The following SLC22A4 variants were observed in gnomAD, a reference collection of about 807,000 sequenced individuals.
The protein encoded by SLC22A4 is solute carrier family 22 member 4.
Under a neutral mutation model 56.6 loss-of-function variants are expected in SLC22A4, and 39 were observed. The ratio of observed to expected loss-of-function variants is 0.69; its 90% CI spans 0.53 to 0.90. The LOEUF (loss-of-function observed/expected upper bound fraction) is 0.90. Ranked by LOEUF, SLC22A4 falls within the 40% of genes least tolerant of loss-of-function variation. The pLI is 0.00. For synonymous variants in SLC22A4, 241 were observed against 281.4 expected, an observed-to-expected ratio of 0.86 and a Z score of 1.44; for missense variants, 594 against 696.5, an observed-to-expected ratio of 0.85 and a Z score of 1.66.
intron 1 of SLC22A4, among the ~76,000 whole-genome samples, chr5:132,302,337 C>G (rs1392565484): frequency 6.6e-6 from 1 of 152,130 alleles, no homozygotes; most frequent in South Asian, 2.1e-4. Flanking sequence ...TCAGGGGGAG[C>G]TGCAGGTACC....
intron 8 of SLC22A4, among the ~76,000 whole-genome samples, chr5:132,339,073 T>C (rs1370243653): frequency 6.6e-6 from 1 of 152,208 alleles, no homozygotes; most frequent in Non-Finnish European, 1.5e-5. Flanking sequence ...CTAATAAATG[T>C]CCATGAAATC....
intron 1 of SLC22A4, among the ~76,000 whole-genome samples, chr5:132,306,431 ATATATATATATAGTTGTT>A (rs1750039915): frequency 1.4e-5 from 1 of 72,030 alleles, no homozygotes; most frequent in African/African-American, 7.3e-5. Flanking sequence ...ATATATATAT[ATATATATATATAGTTGTT>A]GTTGTTGTTG....
At chr5:132,339,569 T>A (rs529428634) in intron 8 of SLC22A4, among the ~76,000 whole-genome samples, 2 of 152,172 alleles carry the variant, frequency 1.3e-5, no homozygotes, top group East Asian at 3.9e-4. Context: ...GAGAAACATT[T>A]TCCTAACAAA....
At chr5:132,315,850 G>T (rs994325578) in intron 3 of SLC22A4, among the ~76,000 whole-genome samples, 3 of 152,130 alleles carry the variant, frequency 2.0e-5, no homozygotes, top group Admixed American at 2.0e-4. Context: ...TTTGTATCCT[G>T]GTATGAGACT....
At chr5:132,339,508 A>T (rs543460046) in intron 8 of SLC22A4, among the ~76,000 whole-genome samples, 15 of 151,930 alleles carry the variant, frequency 9.9e-5, no homozygotes, top group African/African-American at 3.1e-4. Flanking sequence ...ACACACCTGA[A>T]AACATGTATG....
chr5:132,294,401 C>G lies in SLC22A4; in HGVS notation c.-216C>G. 1.6e-6 allele frequency: 1 copy of G among 639,076 alleles called. No homozygotes were observed. The highest frequency in any genetic ancestry group is 2.7e-6 in the Non-Finnish European group (1 of 364,772). The allele number at this position is 639,076 out of a possible 1,614,324, so 39.6% of individuals were successfully genotyped here. On this transcript the variant is annotated 5_prime_UTR_variant, in exon 1 of 10. Transcript: ENST00000200652. The surrounding 1 kb of genome is among the most constrained non-coding windows in gnomAD (Gnocchi z 5.6). Reference sequence around the variant, plus strand: ...GGATGGGGGTGTGGTCCCAAGTGTACAGTGGCATCAAGCTCAGCGCGAGCT... The same window carrying G: ...GGATGGGGGTGTGGTCCCAAGTGTAGAGTGGCATCAAGCTCAGCGCGAGCT...
intron 3 of SLC22A4, among the ~76,000 whole-genome samples, chr5:132,321,673 C>T (rs953420720): frequency 6.6e-6 from 1 of 152,052 alleles, no homozygotes; most frequent in African/African-American, 2.4e-5. Context: ...TTTGGGAGGC[C>T]AAGGCAGGTA....
At chr5:132,327,002 C>T (rs932067913) in intron 4 of SLC22A4, among the ~76,000 whole-genome samples, 7 of 152,336 alleles carry the variant, frequency 4.6e-5, no homozygotes, top group African/African-American at 1.7e-4. Context: ...TTCTCCAGAG[C>T]CCTGGCTCAA....
intron 6 of SLC22A4, among the ~76,000 whole-genome samples, chr5:132,333,826 G>A (rs186113257): frequency 6.8e-4 from 103 of 151,634 alleles, no homozygotes; most frequent in Middle Eastern, 3.4e-3. Flanking sequence ...ATTTTTTTGA[G>A]ATAGAGTTTC....
Position 132,294,987 on chromosome 5 carries a change from A to G in SLC22A4, c.371A>G (p.Tyr124Cys), listed in dbSNP as rs1749744988. Residue 124 changes from tyrosine to cysteine, a missense_variant, in exon 1 of 10, where the codon TAC becomes TGC. By Grantham distance (194) the Tyr-to-Cys change is radical (BLOSUM62 -2). Coordinates refer to ENST00000200652, the MANE Select transcript of SLC22A4 (RefSeq NM_003059.3). This position sits in a 1 kb window ranked among gnomAD's most constrained non-coding sequence, Gnocchi z 5.6. ...GGCTGGGAGTTCAGCCAGGACGTCT[A>G]CCTGTCCACCGTCGTGACCGAGGTG... Reference protein sequence around the residue: ...LDGWEFSQDVYLSTVVTEWNL... With the variant: ...LDGWEFSQDVCLSTVVTEWNL... The G allele has an allele frequency of 5.0e-6, 8 of 1,607,180 alleles. No individual in the cohort carries two copies. Among genetic ancestry groups the G allele is most frequent in the Non-Finnish European group, 6.8e-6 (8 of 1,177,622 alleles).
At chr5:132,315,495 C>T (rs774407569) in intron 3 of SLC22A4, among the ~76,000 whole-genome samples, 8 of 152,110 alleles carry the variant, frequency 5.3e-5, no homozygotes, top group Non-Finnish European at 8.8e-5. Flanking sequence ...CCTGTGTGAG[C>T]GGGTGAGGCA....
intron 1 of SLC22A4, among the ~76,000 whole-genome samples, chr5:132,310,102 G>A (rs1222037890): frequency 6.6e-6 from 1 of 152,240 alleles, no homozygotes; most frequent in Non-Finnish European, 1.5e-5. Flanking sequence ...CCTTGAAGAA[G>A]TGTAGGGCAT....
At chr5:132,319,469 T>G (rs1750469130) in intron 3 of SLC22A4, among the ~76,000 whole-genome samples, 1 of 152,218 alleles carries the variant, frequency 6.6e-6, no homozygotes. Flanking sequence ...CCAGTATCCA[T>G]AGAGCAAATA....
intron 1 of SLC22A4, among the ~76,000 whole-genome samples, chr5:132,306,830 CTAAGTA>C (rs200577278): frequency 0.023 from 3,492 of 152,120 alleles, 88 homozygotes; most frequent in African/African-American, 0.063. Context: ...AGAAAAGGAG[CTAAGTA>C]TAAGAAGCCA....
At position 132,294,796 on chromosome 5, in the gene SLC22A4, C is replaced by A; in HGVS notation, c.180C>A (p.Ser60Arg). The change falls in exon 1 of 10, where the codon AGC becomes AGA. Residue 60 changes from serine to arginine, a missense_variant. Physicochemically the swap from Ser to Arg is moderately radical, Grantham distance 110. Coordinates refer to ENST00000200652, the MANE Select transcript of SLC22A4 (RefSeq NM_003059.3). This position sits in a 1 kb window ranked among gnomAD's most constrained non-coding sequence, Gnocchi z 5.6. ...TGCCGGACGCCGCGAACCTGAGCAG[C>A]GCCTGGCGCAACAACAGTGTCCCGC... Reference protein sequence around the residue: ...CRVPDAANLSSAWRNNSVPLR... With the variant: ...CRVPDAANLSRAWRNNSVPLR... 1.2e-6 allele frequency: 2 copies of A among 1,613,070 alleles called. No individual in the cohort carries two copies. Among genetic ancestry groups the A allele is most frequent in the Non-Finnish European group, 1.7e-6 (2 of 1,179,974 alleles).
In SLC22A4 at chr5:132,314,834, C is replaced by T. The variant is rs17689328; in HGVS notation, c.652+1066C>T. ...CTCCTTTAATTATTTGCGAAGAGCC[C>T]CGTGCCATGGGCTCAGCCTCAGTGT... On this transcript the variant is annotated intron_variant, in intron 3 of 9. Coordinates refer to ENST00000200652, the MANE Select transcript of SLC22A4 (RefSeq NM_003059.3). 8.2e-3 allele frequency among the ~76,000 whole-genome samples: 1,252 copies of T among 152,264 alleles called. 13 individuals carry two copies. Among genetic ancestry groups the T allele is most frequent in the Non-Finnish European group, 0.012 (844 of 68,014 alleles).
rs112096470 is a variant in SLC22A4, at chr5:132,312,153, C to T, written c.394-8C>T. ...TGGGCTCACGCTTCATGCTGTCTTC[C>T]TTGGCAGTGGAATCTGGTGTGTGAG... On this transcript the variant is annotated splice_region_variant and splice_polypyrimidine_tract_variant and intron_variant, in intron 1 of 9. Coordinates refer to ENST00000200652, the MANE Select transcript of SLC22A4 (RefSeq NM_003059.3). 2.3e-5 allele frequency: 37 copies of T among 1,579,588 alleles called. 1 individual carries two copies. In the African/African-American group the frequency reaches 3.4e-4, roughly 14 times the overall value.
At position 132,327,267 on chromosome 5, in the gene SLC22A4, T is replaced by TA; in HGVS notation, c.825-7dup. On this transcript the variant is annotated splice_polypyrimidine_tract_variant and intron_variant, in intron 4 of 9. Transcript: ENST00000200652. The stretch of plus-strand genomic sequence containing the variant: ...GTGAAAAATTATTAAATATTAAAAA[T>TA]AAATTATAGGTTCATTCCTGAATCT... 6.5e-7 allele frequency: 1 copy of TA among 1,529,496 alleles called. No individual in the cohort carries two copies. Among genetic ancestry groups the TA allele is most frequent in the South Asian group, 1.2e-5 (1 of 80,782 alleles). 94.7% of individuals were successfully genotyped at this position (1,529,496 alleles called of 1,614,324 possible).
At position 132,294,923 on chromosome 5, in the gene SLC22A4, G is replaced by A. The variant is rs898401040; in HGVS notation, c.307G>A (p.Val103Met). The A allele has an allele frequency of 6.3e-7, 1 of 1,598,332 alleles. No homozygotes were observed. Among genetic ancestry groups the A allele is most frequent in the Non-Finnish European group, 8.5e-7 (1 of 1,173,094 alleles). The change falls in exon 1 of 10, where the codon GTG (valine) becomes ATG (methionine). Residue 103 changes from valine (V) to methionine (M), a missense_variant. Physicochemically the swap from Val to Met is conservative, Grantham distance 21. Transcript: ENST00000200652. The surrounding 1 kb of genome is among the most constrained non-coding windows in gnomAD (Gnocchi z 5.6). ...GCTCGGGCTGGAGCCGGGGCGCGAC[G>A]TGGACCTGGGGCAGCTGGAGCAGGA... ...SALGLEPGRD[V>M]DLGQLEQESC...
Sources: gnomAD v4.1 joint callset for allele counts (sites outside exome capture counted in the v4.1 genomes callset) on GRCh38, gnomAD v4.1.1 for gene constraint, Gnocchi (gnomAD v3.1) non-coding constraint, MANE v1.5 for transcripts, NCBI Gene and HGNC (gene_info 2026-07-23, HGNC 2026-07-21) for gene names.